CBFA2T2: variants seen among roughly 807,000 people sequenced by gnomAD.
CBFA2T2 encodes the protein protein CBFA2T2.
CBFA2T2 carries 11 observed loss-of-function variants against 62.2 expected under a neutral mutation model. The observed-to-expected ratio is 0.18, with a 90% CI of 0.11 to 0.29. The LOEUF is 0.29. Ranked by LOEUF, CBFA2T2 falls within the 10% of genes least tolerant of loss-of-function variation. The pLI is 1.00. For missense variants in CBFA2T2, 592 were observed against 774.1 expected, an observed-to-expected ratio of 0.76 and a Z score of 2.79; for synonymous variants, 295 against 287.5, an observed-to-expected ratio of 1.03 and a Z score of -0.27.
chr20:33,553,675 G>T (rs1198075150), intron 1 of CBFA2T2, among the ~76,000 whole-genome samples: 1 of 152,184 alleles, frequency 6.6e-6, no homozygotes, highest in Non-Finnish European at 1.5e-5. Context: ...TCCTTTTCCA[G>T]TGAAACTTTG....
chr20:33,582,641 C>G (rs1165390864), intron 1 of CBFA2T2, among the ~76,000 whole-genome samples: 2 of 152,076 alleles, frequency 1.3e-5, no homozygotes, highest in Non-Finnish European at 2.9e-5. Context: ...GCCAGCATGG[C>G]AAAACCCCAT....
chr20:33,621,287 CTTTTTT>C (rs199805350), intron 4 of CBFA2T2, among the ~76,000 whole-genome samples: 54 of 85,276 alleles, frequency 6.3e-4, no homozygotes, highest in African/African-American at 2.0e-3. Flanking sequence ...ATTTTACTGC[CTTTTTT>C]TTTTTTTTTT....
chr20:33,556,172 T>C (rs2012893756), intron 1 of CBFA2T2, among the ~76,000 whole-genome samples: 1 of 152,238 alleles, frequency 6.6e-6, no homozygotes, highest in African/African-American at 2.4e-5. Context: ...TCTTTAATTT[T>C]TCTTATTCTA....
intron 5 of CBFA2T2, 68 bp downstream of exon 5, chr20:33,623,364 AG>A: frequency 6.4e-7 from 1 of 1,561,656 alleles, no homozygotes; most frequent in Non-Finnish European, 8.8e-7. Flanking sequence ...TGCTTATAAA[AG>A]AGAGAGAATT....
intron 1 of CBFA2T2, among the ~76,000 whole-genome samples, chr20:33,583,930 ATTTGTTTG>A (rs1396153200): frequency 2.7e-5 from 4 of 149,076 alleles, no homozygotes; most frequent in Non-Finnish European, 3.0e-5. Context: ...TTATTTATTT[ATTTGTTTG>A]TTTGTTTGTT....
chr20:33,527,395 T>C (rs2011919478), intron 1 of CBFA2T2, among the ~76,000 whole-genome samples: 1 of 133,212 alleles, frequency 7.5e-6, no homozygotes. Flanking sequence ...TTTTTTGAGA[T>C]GAATTCTTGT....
chr20:33,643,481 T>A (rs756444589), intron 10 of CBFA2T2, among the ~76,000 whole-genome samples: 1 of 147,186 alleles, frequency 6.8e-6, no homozygotes, highest in African/African-American at 2.5e-5. Flanking sequence ...GAGGCTAAGG[T>A]GGGAGTGTGG....
chr20:33,643,070 A>G (rs2016912220), intron 10 of CBFA2T2, among the ~76,000 whole-genome samples: 1 of 152,234 alleles, frequency 6.6e-6, no homozygotes, highest in Non-Finnish European at 1.5e-5. Flanking sequence ...ATGTTCAGCT[A>G]GAATATCCTT....
Position 33,490,305 on chromosome 20 carries a change from A to G in CBFA2T2, c.34+4A>G. On this transcript the variant is annotated splice_donor_region_variant and intron_variant, in intron 1 of 10. Transcript: ENST00000342704. The stretch of plus-strand genomic sequence containing the variant: ...CCTGGAGCGGCCGCCTTCCAGCGTA[A>G]GTGGGGCGTGAATGCGGGCGGCCGA... The G allele has an allele frequency of 1.6e-6, 2 of 1,282,732 alleles. No homozygotes were observed. The highest frequency in any genetic ancestry group is 2.0e-6 in the Non-Finnish European group (2 of 1,015,572). 79.5% of individuals were successfully genotyped at this position (1,282,732 alleles called of 1,614,324 possible).
At chr20:33,553,613 A>G (rs2012802260) in intron 1 of CBFA2T2, among the ~76,000 whole-genome samples, 1 of 152,224 alleles carries the variant, frequency 6.6e-6, no homozygotes, top group Admixed American at 6.5e-5. Flanking sequence ...AACCCTGCTA[A>G]TGCGGCAGGA....
intron 1 of CBFA2T2, among the ~76,000 whole-genome samples, chr20:33,571,616 A>C (rs1356833028): frequency 1.3e-5 from 2 of 152,122 alleles, no homozygotes; most frequent in Non-Finnish European, 2.9e-5. Flanking sequence ...AAAGCTATTA[A>C]TTTCGATTTA....
At chr20:33,536,601 G>C (rs1480750133) in intron 1 of CBFA2T2, among the ~76,000 whole-genome samples, 50 of 149,182 alleles carry the variant, frequency 3.4e-4, no homozygotes, top group Non-Finnish European at 5.5e-4. Flanking sequence ...GGGCGGAGGG[G>C]CTCCTCACTT....
intron 10 of CBFA2T2, among the ~76,000 whole-genome samples, chr20:33,642,119 TG>T (rs1568875353): frequency 0.012 from 336 of 28,798 alleles, 1 homozygote; most frequent in Middle Eastern, 0.042. Flanking sequence ...TTTTTTTTTG[TG>T]TGTGTGTGTG....
At chr20:33,577,461 G>T (rs759131162) in intron 1 of CBFA2T2, among the ~76,000 whole-genome samples, 2 of 152,026 alleles carry the variant, frequency 1.3e-5, no homozygotes, top group Non-Finnish European at 2.9e-5. Context: ...GTCATTTGGG[G>T]ACTTAAATGG....
At chr20:33,513,519 G>C (rs1413156785) in intron 1 of CBFA2T2, among the ~76,000 whole-genome samples, 1 of 151,382 alleles carries the variant, frequency 6.6e-6, no homozygotes, top group Middle Eastern at 3.4e-3. Flanking sequence ...CCACCATCAC[G>C]CCCAGCTAAT....
intron 6 of CBFA2T2, among the ~76,000 whole-genome samples, chr20:33,626,355 T>C (rs2016228463): frequency 2.6e-5 from 4 of 152,244 alleles, no homozygotes; most frequent in Admixed American, 2.6e-4. Context: ...ATCTTGGCTC[T>C]GCATCCTAAC....
intron 9 of CBFA2T2, among the ~76,000 whole-genome samples, chr20:33,637,640 G>A (rs2016675131): frequency 6.6e-6 from 1 of 151,544 alleles, no homozygotes; most frequent in South Asian, 2.1e-4. Flanking sequence ...GTGAGTACCT[G>A]CAGATTCTTG....
intron 1 of CBFA2T2, among the ~76,000 whole-genome samples, chr20:33,529,574 C>T (rs1263183304): frequency 6.6e-6 from 1 of 150,970 alleles, no homozygotes; most frequent in Non-Finnish European, 1.5e-5. Flanking sequence ...AGTTTGAGAC[C>T]AGTCTGAGCA....
At chr20:33,519,430 A>G (rs972636292) in intron 1 of CBFA2T2, among the ~76,000 whole-genome samples, 6 of 152,328 alleles carry the variant, frequency 3.9e-5, no homozygotes, top group African/African-American at 1.4e-4. Context: ...AGATTGCTCA[A>G]CTGCACTCCA....
Sources: allele counts gnomAD v4.1 joint callset (sites outside exome capture counted in the v4.1 genomes callset), GRCh38; gene constraint gnomAD v4.1.1; transcripts MANE v1.5; gene names NCBI Gene and HGNC (gene_info 2026-07-23, HGNC 2026-07-21).